CNTNAP5: variants seen among roughly 807,000 people sequenced by gnomAD.
The protein encoded by CNTNAP5 is contactin associated protein family member 5.
In CNTNAP5, 72 loss-of-function variants were observed where a neutral mutation model predicts 150.2. That is an observed-to-expected ratio of 0.48 (90% confidence interval 0.40 to 0.58). CNTNAP5 has a LOEUF of 0.58. Ranked by LOEUF, CNTNAP5 falls within the 20% of genes least tolerant of loss-of-function variation. The pLI, the probability that CNTNAP5 is intolerant of heterozygous loss-of-function variation, is 0.00. For synonymous variants in CNTNAP5, 672 were observed against 619.8 expected (o/e 1.08, Z -1.25); for missense variants, 1,636 against 1,626.2 (o/e 1.01, Z -0.10).
chr2:124,064,958 C>T (rs1185339383), intron 1 of CNTNAP5, among the ~76,000 whole-genome samples: 1 of 152,104 alleles, frequency 6.6e-6, no homozygotes, highest in East Asian at 1.9e-4. Flanking sequence ...TCCCGTGACC[C>T]CTCTGTACTT....
chr2:124,138,780 A>G (rs1022888247), intron 1 of CNTNAP5, among the ~76,000 whole-genome samples: 3 of 152,170 alleles, frequency 2.0e-5, no homozygotes, highest in Non-Finnish European at 4.4e-5. Flanking sequence ...GTAAGAACCT[A>G]CATGATCTGA....
At chr2:124,686,186 G>T (rs1317481809) in intron 13 of CNTNAP5, among the ~76,000 whole-genome samples, 1 of 152,034 alleles carries the variant, frequency 6.6e-6, no homozygotes, top group African/African-American at 2.4e-5. Context: ...CTTACTTTTT[G>T]CTCAGCACTC....
intron 1 of CNTNAP5, among the ~76,000 whole-genome samples, chr2:124,217,696 A>G (rs920042836): frequency 3.3e-5 from 5 of 151,708 alleles, no homozygotes; most frequent in African/African-American, 9.8e-5. Flanking sequence ...TGTGGAAGAG[A>G]AAAAAGATCC....
At chr2:124,241,447 T>G (rs975862138) in intron 2 of CNTNAP5, among the ~76,000 whole-genome samples, 4 of 152,164 alleles carry the variant, frequency 2.6e-5, no homozygotes, top group African/African-American at 9.7e-5. Context: ...AGGATATGGC[T>G]GCACTTGCCT....
intron 3 of CNTNAP5, among the ~76,000 whole-genome samples, chr2:124,381,392 G>A (rs970621530): frequency 3.9e-5 from 6 of 152,094 alleles, no homozygotes; most frequent in Non-Finnish European, 7.4e-5. Context: ...AGAAGTCATT[G>A]CTGTGGCTCA....
chr2:124,513,731 A>AG (rs1491268631), intron 8 of CNTNAP5, among the ~76,000 whole-genome samples: 1 of 152,130 alleles, frequency 6.6e-6, no homozygotes, highest in Non-Finnish European at 1.5e-5. Context: ...AGTTATACTC[A>AG]GGGGGGAGTA....
intron 11 of CNTNAP5, among the ~76,000 whole-genome samples, chr2:124,586,763 C>T (rs770414906): frequency 3.3e-5 from 5 of 152,116 alleles, no homozygotes; most frequent in Non-Finnish European, 5.9e-5. Flanking sequence ...TAGATCCTTC[C>T]AGGGCAACCT....
intron 13 of CNTNAP5, among the ~76,000 whole-genome samples, chr2:124,719,554 T>G (rs141962722): frequency 3.5e-4 from 54 of 152,302 alleles, no homozygotes; most frequent in Non-Finnish European, 7.4e-4. Flanking sequence ...TACTTTTAAT[T>G]TTCTTTCTGA....
chr2:124,756,678 C>A (rs1331290926), intron 14 of CNTNAP5, among the ~76,000 whole-genome samples: 1 of 152,098 alleles, frequency 6.6e-6, no homozygotes, highest in Non-Finnish European at 1.5e-5. Flanking sequence ...AAACCAAATA[C>A]TGCATCTTCT....
At chr2:124,303,271 G>A (rs1352166177) in intron 3 of CNTNAP5, among the ~76,000 whole-genome samples, 1 of 152,182 alleles carries the variant, frequency 6.6e-6, no homozygotes, top group Non-Finnish European at 1.5e-5. Context: ...GACAGTGTCT[G>A]TTTGGACACA....
At chr2:124,804,595 A>G (rs1682042435) in intron 19 of CNTNAP5, among the ~76,000 whole-genome samples, 1 of 152,128 alleles carries the variant, frequency 6.6e-6, no homozygotes, top group African/African-American at 2.4e-5. Context: ...AGGAGACACT[A>G]GAGAACTCTG....
chr2:124,378,301 A>G (rs1027578455), intron 3 of CNTNAP5, among the ~76,000 whole-genome samples: 5 of 152,094 alleles, frequency 3.3e-5, no homozygotes, highest in Non-Finnish European at 5.9e-5. Context: ...AAAAGCAGAC[A>G]TTAGAGAAAA....
rs56754500 is a variant in CNTNAP5, at chr2:124,902,760, T to C, written c.3437-122T>C. The C allele has an allele frequency of 6.9e-3, 4,304 of 620,094 alleles. 152 individuals carry two copies. In the African/African-American group the frequency reaches 0.069, roughly 10 times the overall value. The allele number at this position is 620,094 out of a possible 1,614,324, so 38.4% of individuals were successfully genotyped here. ...AAGAGAGATAGATAGGGGAGGGTTT[T>C]CTTTACTCAAACAATAACAAGGTAA... On this transcript the variant is annotated intron_variant, in intron 21 of 23. Coordinates refer to ENST00000682447, the MANE Select transcript of CNTNAP5 (RefSeq NM_001367498.1).
intron 3 of CNTNAP5, among the ~76,000 whole-genome samples, chr2:124,268,997 G>A (rs2553636): frequency 0.29 from 44,568 of 151,782 alleles, 7,131 homozygotes; most frequent in Admixed American, 0.38. Flanking sequence ...GAAAACAACA[G>A]CAACACCCAA....
At chr2:124,812,815 G>C (rs1682266077) in intron 19 of CNTNAP5, among the ~76,000 whole-genome samples, 1 of 152,110 alleles carries the variant, frequency 6.6e-6, no homozygotes, top group African/African-American at 2.4e-5. Context: ...AAACCAAGTT[G>C]CACCCCAATC....
At chr2:124,566,513 CAACACACAAA>C (rs1457639633) in intron 11 of CNTNAP5, among the ~76,000 whole-genome samples, 2 of 152,174 alleles carry the variant, frequency 1.3e-5, no homozygotes, top group Admixed American at 1.3e-4. Flanking sequence ...GCAGGAGACT[CAACACACAAA>C]AACCTTAAAA....
intron 1 of CNTNAP5, among the ~76,000 whole-genome samples, chr2:124,037,966 A>G (rs1440049993): frequency 5.3e-5 from 8 of 152,230 alleles, no homozygotes; most frequent in African/African-American, 1.9e-4. Flanking sequence ...CCTGACACTA[A>G]GATAATAGTT....
chr2:124,670,117 T>TACTTTTCCTTCCTTC (rs1359501662), intron 13 of CNTNAP5, among the ~76,000 whole-genome samples: 35 of 133,308 alleles, frequency 2.6e-4, no homozygotes, highest in Non-Finnish European at 4.9e-4. Flanking sequence ...TGCCTTCCTT[T>TACTTTTCCTTCCTTC]CCTTTTCCTT....
intron 13 of CNTNAP5, among the ~76,000 whole-genome samples, chr2:124,664,462 T>C (rs527580239): frequency 5.3e-5 from 8 of 152,212 alleles, no homozygotes; most frequent in Admixed American, 2.0e-4. Flanking sequence ...AGGCCAGATA[T>C]GTTTCATGAA....
Sources: allele counts gnomAD v4.1 joint callset (sites outside exome capture counted in the v4.1 genomes callset), GRCh38; gene constraint gnomAD v4.1.1; transcripts MANE v1.5; gene names NCBI Gene and HGNC (gene_info 2026-07-23, HGNC 2026-07-21).